The following PRRC2A variants were observed in gnomAD, a reference collection of about 807,000 sequenced individuals.
PRRC2A encodes the protein protein PRRC2A.
PRRC2A carries 59 observed loss-of-function variants against 224.6 expected under a neutral mutation model. The observed-to-expected ratio is 0.26, with a 90% CI of 0.21 to 0.33. The LOEUF is 0.33. PRRC2A is among the 10% of genes least tolerant of loss of function. The pLI, the probability that PRRC2A is intolerant of heterozygous loss-of-function variation, is 1.00. For synonymous variants in PRRC2A, 1,194 were observed against 1,109.5 expected (o/e 1.08, Z -1.51); for missense variants, 3,095 against 2,880.7 (o/e 1.07, Z -1.70).
chr6:31,623,705 C>T (rs777961751), intron 2 of PRRC2A, 27 bp from the exon 3 acceptor site: 46 of 1,610,682 alleles, frequency 2.9e-5, no homozygotes, highest in East Asian at 4.5e-5. Context: ...GAGGCATTTT[C>T]GACCCTCTCT....
rs1189851097 is a variant in PRRC2A, at chr6:31,631,413, C to T, written c.2740C>T (p.Pro914Ser). Residue 914 changes from proline to serine, a missense_variant, in exon 16 of 31, where the codon CCA becomes TCA. Pro to Ser is a moderately conservative substitution (Grantham distance 74). Transcript: ENST00000376033. This position sits in a 1 kb window ranked among gnomAD's most constrained non-coding sequence, Gnocchi z 4.5. ...AGTCGGGAGTGGAGGCCAGGGCCCC[C>T]CACCACCACGCAGAGAGAGTCGCAC... ...RGVGSGGQGP[P>S]PPRRESRTET... 6.2e-7 allele frequency: 1 copy of T among 1,609,612 alleles called. No individual in the cohort carries two copies. Among genetic ancestry groups the T allele is most frequent in the Admixed American group, 1.7e-5 (1 of 59,204 alleles).
At position 31,632,721 on chromosome 6, in the gene PRRC2A, G is replaced by T. The variant is rs750557899; in HGVS notation, c.4048G>T (p.Ala1350Ser). The T allele has an allele frequency of 6.2e-7, 1 of 1,613,144 alleles. No homozygotes were observed. The highest frequency in any genetic ancestry group is 8.5e-7 in the Non-Finnish European group (1 of 1,180,044). ...CCCACCAGTACTGCTGACACCCAAG[G>T]CTGTGGGAACTCCTGGGGGAGGTGG... ...APPPVLLTPK[A>S]VGTPGGGGGG... Residue 1350 changes from alanine to serine, a missense_variant, in exon 16 of 31, where the codon GCT (alanine) becomes TCT (serine). This residue lies in a region of PRRC2A where 2,001 missense variants were observed against 1,764.9 expected (regional missense o/e 1.13). Transcript: ENST00000376033.
Position 31,635,385 on chromosome 6 carries a change from T to A in PRRC2A, c.5302-9T>A, listed in dbSNP as rs1389809497. On this transcript the variant is annotated splice_polypyrimidine_tract_variant and intron_variant, in intron 22 of 30. Coordinates refer to ENST00000376033, the MANE Select transcript of PRRC2A (RefSeq NM_004638.4). Reference sequence around the variant, plus strand: ...CGGGACAATGTCTCCTGCCTTCTTGTGATCACAGGACTCAGACTTACGCCT... The same window carrying A: ...CGGGACAATGTCTCCTGCCTTCTTGAGATCACAGGACTCAGACTTACGCCT... 6.2e-7 allele frequency: 1 copy of A among 1,614,074 alleles called. No individual in the cohort carries two copies. Among genetic ancestry groups the A allele is most frequent in the Non-Finnish European group, 8.5e-7 (1 of 1,180,026 alleles).
chr6:31,633,222 C>T (rs1295431037), intron 16 of PRRC2A, among the ~76,000 whole-genome samples, 157 bp from the exon 17 acceptor site: 7 of 152,162 alleles, frequency 4.6e-5, no homozygotes, highest in Non-Finnish European at 1.0e-4. Context: ...GCTTTCCAGT[C>T]TGTGCATCTG....
Position 31,625,550 on chromosome 6 carries a change from G to C in PRRC2A, c.698G>C (p.Gly233Ala). ...SKLHHGHDPR[G>A]GLQPSGPPQF... Reference sequence around the variant, plus strand: ...CTTCATCATGGTCATGATCCCCGGGGTGGGCTACAGCCTTCAGGCCCACCC... The same window carrying C: ...CTTCATCATGGTCATGATCCCCGGGCTGGGCTACAGCCTTCAGGCCCACCC... The change falls in exon 7 of 31, where the codon GGT (glycine) becomes GCT (alanine). Residue 233 changes from glycine to alanine, a missense_variant. Coordinates refer to ENST00000376033, the MANE Select transcript of PRRC2A (RefSeq NM_004638.4). The surrounding 1 kb of genome is among the most constrained non-coding windows in gnomAD (Gnocchi z 4.1). 3 of 1,573,630 alleles carry C rather than the reference G, an allele frequency of 1.9e-6. No homozygotes were observed. The highest frequency in any genetic ancestry group is 2.6e-6 in the Non-Finnish European group (3 of 1,156,862).
rs1776021310 is a variant in PRRC2A, at chr6:31,627,277, A to G, written c.1290+79A>G. 2.8e-6 allele frequency: 3 copies of G among 1,065,698 alleles called. No homozygotes were observed. The highest frequency in any genetic ancestry group is 4.1e-6 in the Non-Finnish European group (3 of 727,746). The allele number at this position is 1,065,698 out of a possible 1,614,324, so 66.0% of individuals were successfully genotyped here. ...GCTGAGTAATTGAAGCGGTTGTGAT[A>G]TAGAGGAAGGGGGGTGCTAAAAATG... On this transcript the variant is annotated intron_variant, in intron 11 of 30. Coordinates refer to ENST00000376033, the MANE Select transcript of PRRC2A (RefSeq NM_004638.4). The surrounding 1 kb of genome is among the most constrained non-coding windows in gnomAD (Gnocchi z 5.6).
Position 31,624,471 on chromosome 6 carries a change from G to A in PRRC2A, c.412G>A (p.Gly138Arg), listed in dbSNP as rs1030886961. 9.3e-6 allele frequency: 15 copies of A among 1,613,720 alleles called. No individual in the cohort carries two copies. Among genetic ancestry groups the A allele is most frequent in the South Asian group, 1.1e-5 (1 of 91,088 alleles). ...APENTPLVPSGVKSWAQASVT... is the reference protein window; with the variant it reads ...APENTPLVPSRVKSWAQASVT... ...CCAGAACACTCCTTTGGTTCCAAGCGGGGTAAAGTCCTGGGCACAAGCCAG... is the reference window on the plus strand; with the variant it reads ...CCAGAACACTCCTTTGGTTCCAAGCAGGGTAAAGTCCTGGGCACAAGCCAG... The change falls in exon 5 of 31, where the codon GGG (glycine) becomes AGG (arginine). Residue 138 changes from glycine to arginine, a missense_variant. Gly to Arg is a moderately radical substitution (Grantham distance 125). Coordinates refer to ENST00000376033, the MANE Select transcript of PRRC2A (RefSeq NM_004638.4).
At chr6:31,629,121 C>G (rs1776245999) in intron 12 of PRRC2A, 23 bp from the exon 13 acceptor site, 2 of 1,612,964 alleles carry the variant, frequency 1.2e-6, no homozygotes, top group Non-Finnish European at 1.7e-6. Flanking sequence ...CTAGATCACT[C>G]TGTTGTGTTT....
rs769585909 is a variant in PRRC2A, at chr6:31,631,775, A to T, written c.3102A>T (p.Arg1034Ser). Residue 1034 changes from arginine to serine, a missense_variant, in exon 16 of 31, where the codon AGA becomes AGT. Physicochemically the swap from Arg to Ser is moderately radical, Grantham distance 110 (BLOSUM62 -1). Around this residue, in one of 8 missense-constraint regions of PRRC2A, gnomAD observed 2,001 missense variants for 1,764.9 expected, o/e 1.13. Transcript: ENST00000376033. This position sits in a 1 kb window ranked among gnomAD's most constrained non-coding sequence, Gnocchi z 4.5. Reference protein sequence around the residue: ...RGRGRGEYFARGRGFRGTYGG... With the variant: ...RGRGRGEYFASGRGFRGTYGG... Reference sequence around the variant, plus strand: ...GGGGCCGAGGCGAGTATTTTGCCAGAGGGAGGGGTTTTCGGGGGACCTATG... The same window carrying T: ...GGGGCCGAGGCGAGTATTTTGCCAGTGGGAGGGGTTTTCGGGGGACCTATG... The T allele has an allele frequency of 6.5e-7, 1 of 1,544,740 alleles. No individual in the cohort carries two copies. Among genetic ancestry groups the T allele is most frequent in the Admixed American group, 1.9e-5 (1 of 51,580 alleles).
At chr6:31,633,260 A>C in intron 16 of PRRC2A, 119 bp from the exon 17 acceptor site, 1 of 1,446,972 alleles carries the variant, frequency 6.9e-7, no homozygotes, top group Non-Finnish European at 9.4e-7. Context: ...AGAAGGACTC[A>C]AAAACACCTG....
In PRRC2A at chr6:31,631,425, A is replaced by G. The variant is rs778566221; in HGVS notation, c.2752A>G (p.Arg918Gly). Residue 918 changes from arginine to glycine, a missense_variant, in exon 16 of 31, where the codon AGA (arginine) becomes GGA (glycine). By Grantham distance (125) the Arg-to-Gly change is moderately radical (BLOSUM62 -2). Around this residue, in one of 8 missense-constraint regions of PRRC2A, gnomAD observed 2,001 missense variants for 1,764.9 expected, o/e 1.13. Transcript: ENST00000376033. This position sits in a 1 kb window ranked among gnomAD's most constrained non-coding sequence, Gnocchi z 4.5. The stretch of plus-strand genomic sequence containing the variant: ...AGGCCAGGGCCCCCCACCACCACGC[A>G]GAGAGAGTCGCACAGAGACCCGCTG... ...SGGQGPPPPR[R>G]ESRTETRWGP... is the part of the protein sequence containing the mutation. 6.2e-7 allele frequency: 1 copy of G among 1,610,410 alleles called. No homozygotes were observed. The highest frequency in any genetic ancestry group is 8.5e-7 in the Non-Finnish European group (1 of 1,178,892).
At position 31,629,966 on chromosome 6, in the gene PRRC2A, G is replaced by C. The variant is rs1776358443; in HGVS notation, c.2254+121G>C. The C allele has an allele frequency of 4.1e-6, 6 of 1,476,476 alleles. No individual in the cohort carries two copies. The East Asian group carries it at 1.4e-4, about 34-fold the overall frequency. 91.5% of individuals were successfully genotyped at this position (1,476,476 alleles called of 1,614,324 possible). A position where few individuals can be genotyped will look rare whatever the true frequency, so the allele number is the denominator to read the frequency against. On this transcript the variant is annotated intron_variant, in intron 14 of 30. Transcript: ENST00000376033. ...TGCCCATCATAGTGATGAGGGAAGGGCATATGCTTGGCACTGCTGAGATAG... is the reference window on the plus strand; with the variant it reads ...TGCCCATCATAGTGATGAGGGAAGGCCATATGCTTGGCACTGCTGAGATAG...
chr6:31,624,614 C>G, intron 5 of PRRC2A, 92 bp downstream of exon 5: 1 of 1,408,732 alleles, frequency 7.1e-7, no homozygotes, highest in Non-Finnish European at 9.9e-7. Flanking sequence ...CCTTGGTCCT[C>G]TTTGGCTAAA....
chr6:31,624,011 A>C, intron 3 of PRRC2A, 102 bp downstream of exon 3: 2 of 1,389,662 alleles, frequency 1.4e-6, no homozygotes, highest in Non-Finnish European at 2.0e-6. Context: ...GCCAGAGACG[A>C]AGAGGTCCCT....
intron 3 of PRRC2A, 139 bp downstream of exon 3, chr6:31,624,048 A>T: frequency 8.4e-7 from 1 of 1,184,572 alleles, no homozygotes; most frequent in Non-Finnish European, 1.2e-6. Context: ...GTTCCTTGTT[A>T]AATGACTAAG....
At position 31,634,437 on chromosome 6, in the gene PRRC2A, C is replaced by T. The variant is rs374880749; in HGVS notation, c.4850-35C>T. 12 of 1,612,508 alleles carry T rather than the reference C, an allele frequency of 7.4e-6. No individual in the cohort carries two copies. In the African/African-American group the frequency reaches 1.5e-4, roughly 20 times the overall value. On this transcript the variant is annotated intron_variant, in intron 19 of 30. Transcript: ENST00000376033. ...AGAGGGGCTTCTGAACTGTCATCTCCTCACTTCTCTTCTGGTTGGTGCTCC... is the reference window on the plus strand; with the variant it reads ...AGAGGGGCTTCTGAACTGTCATCTCTTCACTTCTCTTCTGGTTGGTGCTCC...
chr6:31,624,845 C>T (rs1775717954), intron 5 of PRRC2A: 1 of 514,464 alleles, frequency 1.9e-6, no homozygotes, highest in East Asian at 3.3e-5. Context: ...GTCACCCAGG[C>T]TGGAGTGCAG....
At chr6:31,624,764 C>T (rs1457276438) in intron 5 of PRRC2A, 12 of 582,048 alleles carry the variant, frequency 2.1e-5, no homozygotes, top group East Asian at 1.4e-4. Context: ...AGTTTGAAGG[C>T]GGGAAACCTG....
chr6:31,623,930 C>T lies in PRRC2A; in HGVS notation c.290+21C>T, dbSNP rs769594600. The T allele has an allele frequency of 1.1e-5, 17 of 1,611,218 alleles. No homozygotes were observed. In the East Asian group the frequency reaches 3.8e-4, roughly 36 times the overall value. On this transcript the variant is annotated intron_variant, in intron 3 of 30. Transcript: ENST00000376033. ...AAGAGGTAGACAGAGGCTTGGGGGA[C>T]CTAGAGTGATGGGTATTTTAACTTG...
Sources: allele counts gnomAD v4.1 joint callset (sites outside exome capture counted in the v4.1 genomes callset), GRCh38; gene constraint gnomAD v4.1.1; regional missense constraint gnomAD v4.1.1; non-coding constraint Gnocchi (gnomAD v3.1); transcripts MANE v1.5; gene names NCBI Gene and HGNC (gene_info 2026-07-23, HGNC 2026-07-21).